The following CCDC13 variants were observed in gnomAD, a reference collection of about 807,000 sequenced individuals.
CCDC13 encodes the protein coiled-coil domain containing 13.
CCDC13 carries 70 observed loss-of-function variants against 87.3 expected under a neutral mutation model. That is an observed-to-expected ratio of 0.80 (90% confidence interval 0.66 to 0.98). The LOEUF (loss-of-function observed/expected upper bound fraction) is 0.98, where lower values mean the gene tolerates loss of function less well. Among genes scored for constraint, CCDC13 ranks in the 50% least tolerant of loss-of-function variants. CCDC13 has a pLI of 0.00. For missense variants in CCDC13, 842 were observed against 892.0 expected (o/e 0.94, Z 0.71); for synonymous variants, 317 against 360.3 (o/e 0.88, Z 1.36).
At chr3:42,740,623 G>C (rs760959483) in intron 8 of CCDC13, among the ~76,000 whole-genome samples, 45 of 152,222 alleles carry the variant, frequency 3.0e-4, no homozygotes, top group Non-Finnish European at 5.4e-4. Context: ...GATATGGTCA[G>C]GTAAGGCCTT....
intron 8 of CCDC13, among the ~76,000 whole-genome samples, chr3:42,742,271 G>T (rs1272563420): frequency 1.3e-5 from 2 of 152,200 alleles, no homozygotes; most frequent in East Asian, 3.9e-4. Flanking sequence ...TATTGGGAAA[G>T]AGAAACCCTT....
intron 1 of CCDC13, among the ~76,000 whole-genome samples, chr3:42,771,934 G>A (rs994325661): frequency 2.0e-5 from 3 of 152,020 alleles, no homozygotes; most frequent in Non-Finnish European, 4.4e-5. Flanking sequence ...ACTGTTTTTT[G>A]TTTAATGCTT....
chr3:42,744,929 A>G (rs1699352230), intron 7 of CCDC13: 1 of 151,696 alleles, frequency 6.6e-6, no homozygotes, highest in African/African-American at 2.4e-5. Context: ...ATTTTATGTT[A>G]CCCCATTTCA....
At chr3:42,718,920 CA>C (rs1274910308) in intron 13 of CCDC13, 1 of 151,826 alleles carries the variant, frequency 6.6e-6, no homozygotes, top group Non-Finnish European at 1.5e-5. Context: ...GGGGAGTTAG[CA>C]TCTCTCCTAA....
At chr3:42,751,744 C>A (rs1027258084) in intron 5 of CCDC13, among the ~76,000 whole-genome samples, 192 bp downstream of exon 5, 1 of 152,256 alleles carries the variant, frequency 6.6e-6, no homozygotes, top group Middle Eastern at 3.2e-3. Flanking sequence ...GGCCTCAGGC[C>A]ATACACTCGG....
In CCDC13 at chr3:42,758,144, T is replaced by C; in HGVS notation, c.202A>G (p.Lys68Glu). 2 of 1,614,014 alleles carry C rather than the reference T, an allele frequency of 1.2e-6. No homozygotes were observed. Among genetic ancestry groups the C allele is most frequent in the Non-Finnish European group, 1.7e-6 (2 of 1,180,010 alleles). Residue 68 changes from lysine to glutamate, a missense_variant, in exon 2 of 16, where the codon AAA (lysine) becomes GAA (glutamate). Transcript: ENST00000310232. ...SLLHAGEPNS[K>E]NSFEKRVLED... ...ATTTACCTCTTCTCAAAGCTATTTT[T>C]CGAGTTTGGCTCCCCTGCGTGGAGA...
chr3:42,746,807 C>T (rs113841672), intron 6 of CCDC13: 34 of 227,162 alleles, frequency 1.5e-4, no homozygotes, highest in African/African-American at 4.1e-4. Flanking sequence ...TTGAAAGGGT[C>T]CTTTAATACA....
intron 14 of CCDC13, among the ~76,000 whole-genome samples, chr3:42,711,393 C>T (rs899795301): frequency 1.8e-4 from 27 of 152,220 alleles, no homozygotes; most frequent in African/African-American, 6.5e-4. Context: ...ACCTGGCTTT[C>T]GCCCTCTGCT....
intron 13 of CCDC13, among the ~76,000 whole-genome samples, chr3:42,721,933 T>C (rs145243508): frequency 8.7e-4 from 133 of 152,328 alleles, no homozygotes; most frequent in African/African-American, 3.1e-3. Flanking sequence ...AGTATTCTAA[T>C]TCTGGGCATG....
At chr3:42,767,575 C>T (rs901668091) in intron 1 of CCDC13, among the ~76,000 whole-genome samples, 2 of 152,204 alleles carry the variant, frequency 1.3e-5, no homozygotes, top group Non-Finnish European at 1.5e-5. Context: ...GTATGGATAT[C>T]GACAAATTGA....
chr3:42,727,779 AG>A (rs1458137660), intron 13 of CCDC13, among the ~76,000 whole-genome samples: 1 of 152,258 alleles, frequency 6.6e-6, no homozygotes, highest in African/African-American at 2.4e-5. Context: ...TTAAAAGTTA[AG>A]GGTGACCACT....
In CCDC13 at chr3:42,705,783, C is replaced by G. The variant is rs1426197581; in HGVS notation, c.*3197G>C. Among the ~76,000 whole-genome samples, 1 of 152,218 alleles carries G rather than the reference C, an allele frequency of 6.6e-6. No homozygotes were observed. Among genetic ancestry groups the G allele is most frequent in the African/African-American group, 2.4e-5 (1 of 41,462 alleles). On this transcript the variant is annotated 3_prime_UTR_variant, in exon 16 of 16. Transcript: ENST00000310232. The stretch of plus-strand genomic sequence containing the variant: ...ACAGACCAGCTGCCTGGCTGTGCAC[C>G]TGGCCCACCTAAGTTAGGTTTCTCA...
Position 42,743,003 on chromosome 3 carries a change from C to T in CCDC13, c.880G>A (p.Ala294Thr). 5 of 1,614,210 alleles carry T rather than the reference C, an allele frequency of 3.1e-6. No homozygotes were observed. The highest frequency in any genetic ancestry group is 4.2e-6 in the Non-Finnish European group (5 of 1,180,026). ...GGATAGACAGACAACTCATCACTGG[C>T]TGTTCCCGCAGACTGGCTCCGGGCC... The part of the protein sequence containing the change: ...GQARSQSAGT[A>T]SDELSVYPDP... The change falls in exon 8 of 16, where the codon GCC (alanine) becomes ACC (threonine). Residue 294 changes from alanine (A) to threonine (T), a missense_variant. By Grantham distance (58) the Ala-to-Thr change is moderately conservative. Coordinates refer to ENST00000310232, the MANE Select transcript of CCDC13 (RefSeq NM_144719.4).
chr3:42,743,226 T>G (rs529842968), intron 7 of CCDC13, among the ~76,000 whole-genome samples, 169 bp from the exon 8 acceptor site: 1 of 152,112 alleles, frequency 6.6e-6, no homozygotes, highest in African/African-American at 2.4e-5. Context: ...GCTGGCATCT[T>G]GAGCAACACA....
intron 6 of CCDC13, chr3:42,746,352 C>A (rs1699394310): frequency 1.0e-5 from 3 of 292,936 alleles, no homozygotes; most frequent in African/African-American, 6.4e-5. Flanking sequence ...CTTCCTTAAC[C>A]CACTCACCTG....
intron 13 of CCDC13, chr3:42,719,190 C>A (rs1244243900): frequency 6.6e-6 from 1 of 152,212 alleles, no homozygotes; most frequent in Non-Finnish European, 1.5e-5. Flanking sequence ...TAGGCACGTA[C>A]AGGACTGTGG....
chr3:42,758,818 C>T lies in CCDC13; in HGVS notation c.-6-467G>A, dbSNP rs760433697. ...ATAAAGTACATAAATCCTGACCATA[C>T]GGCTCAGTGAATCTTTCCATAGACA... On this transcript the variant is annotated intron_variant, in intron 1 of 15. Transcript: ENST00000310232. Among the ~76,000 whole-genome samples the T allele has an allele frequency of 1.4e-4, 21 of 152,248 alleles. No individual in the cohort carries two copies. In the East Asian group the frequency reaches 1.9e-3, roughly 14 times the overall value.
At chr3:42,709,981 A>G (rs1698269195) in intron 14 of CCDC13, among the ~76,000 whole-genome samples, 183 bp from the exon 15 acceptor site, 1 of 151,844 alleles carries the variant, frequency 6.6e-6, no homozygotes, top group East Asian at 1.9e-4. Flanking sequence ...CCTCCTCTGC[A>G]TGCCTCTGCC....
intron 12 of CCDC13, among the ~76,000 whole-genome samples, chr3:42,731,171 C>T (rs1689510118): frequency 6.6e-6 from 1 of 151,956 alleles, no homozygotes; most frequent in African/African-American, 2.4e-5. Flanking sequence ...TTCAACCCCC[C>T]AGAGCCCACA....
Sources: gnomAD v4.1 joint callset for allele counts (sites outside exome capture counted in the v4.1 genomes callset) on GRCh38, gnomAD v4.1.1 for gene constraint, MANE v1.5 for transcripts, NCBI Gene and HGNC (gene_info 2026-07-23, HGNC 2026-07-21) for gene names.